RFPL3: variants seen among roughly 807,000 people sequenced by gnomAD.
The protein encoded by RFPL3 is ret finger protein like 3.
Under a neutral mutation model 8.7 loss-of-function variants are expected in RFPL3, and 8 were observed. That is an observed-to-expected ratio of 0.92 (90% CI 0.54 to 1.66). The LOEUF is 1.66. Ranked by LOEUF, RFPL3 falls within the 40% of genes most tolerant of loss-of-function variation. The probability of loss-of-function intolerance (pLI) is 0.00; values close to 1 mark genes in which losing one functional copy is unlikely to be tolerated. For synonymous variants in RFPL3, 145 were observed against 150.5 expected (o/e 0.96, Z 0.27); for missense variants, 341 against 395.0 (o/e 0.86, Z 1.16).
chr22:32,356,706 C>T (rs1221224703), upstream of RFPL3: 12 of 346,688 alleles, frequency 3.5e-5, no homozygotes. Context: ...CTGTCTTCTC[C>T]ACAGTGCTCT....
At chr22:32,356,137 A>G (rs989329544), upstream of RFPL3, among the ~76,000 whole-genome samples, 1 of 152,114 alleles carries the variant, frequency 6.6e-6, no homozygotes, top group African/African-American at 2.4e-5. Context: ...GGGCAGAGAG[A>G]AAAGAGGGCA....
chr22:32,360,037 A>C, intron 1 of RFPL3: 1 of 596,690 alleles, frequency 1.7e-6, no homozygotes, highest in South Asian at 2.8e-5. Context: ...AAAGTAAAAT[A>C]AGAATTGCTA....
At chr22:32,357,287 C>T (rs1932699088), upstream of RFPL3, among the ~76,000 whole-genome samples, 1 of 152,012 alleles carries the variant, frequency 6.6e-6, no homozygotes. Flanking sequence ...CAGGGTCTTA[C>T]TGTGTTGTCC....
upstream of RFPL3, among the ~76,000 whole-genome samples, chr22:32,357,495 C>T (rs1330881340): frequency 1.4e-5 from 2 of 145,368 alleles, no homozygotes; most frequent in Non-Finnish European, 3.0e-5. Flanking sequence ...GAGATGGTGT[C>T]TCACTCTGTT....
chr22:32,358,689 C>T (rs1932746035), intron 1 of RFPL3, among the ~76,000 whole-genome samples: 1 of 152,194 alleles, frequency 6.6e-6, no homozygotes, highest in South Asian at 2.1e-4. Context: ...TTAGTGTGCT[C>T]AGATTACCTG....
chr22:32,360,203 G>C (rs1461087735), intron 1 of RFPL3, 49 bp from the exon 2 acceptor site: 1 of 1,565,346 alleles, frequency 6.4e-7, no homozygotes, highest in Non-Finnish European at 8.7e-7. Flanking sequence ...AGAGAGGCAT[G>C]GGGTTGGCTT....
rs57606003 is a variant in RFPL3, at chr22:32,358,245, C to T, written c.174C>T (p.Thr58=). The change falls in exon 1 of 2, where the codon ACC becomes ACT. Residue 58 remains threonine (T), a synonymous_variant. Coordinates refer to ENST00000249007, the MANE Select transcript of RFPL3 (RefSeq NM_001098535.1). ...EKPMSLECGC[T]VCLKCINSLQ... ...CAATGTCCCTGGAGTGTGGATGCACCGTCTGCCTCAAGTGCATCAATTCGC... is the reference window on the plus strand; with the variant it reads ...CAATGTCCCTGGAGTGTGGATGCACTGTCTGCCTCAAGTGCATCAATTCGC... The T allele has an allele frequency of 0.071, 114,089 of 1,613,680 alleles. 8,309 individuals carry two copies. Among genetic ancestry groups the T allele is most frequent in the East Asian group, 0.47 (21,203 of 44,840 alleles).
At position 32,360,418 on chromosome 22, in the gene RFPL3, C is replaced by A; in HGVS notation, c.540C>A (p.His180Gln). The A allele has an allele frequency of 1.2e-6, 2 of 1,613,962 alleles. No homozygotes were observed. The highest frequency in any genetic ancestry group is 3.3e-5 in the Admixed American group (2 of 60,016). Residue 180 changes from histidine to glutamine, a missense_variant, in exon 2 of 2, where the codon CAC (histidine) becomes CAA (glutamine). His to Gln is a conservative substitution (Grantham distance 24). Coordinates refer to ENST00000249007, the MANE Select transcript of RFPL3 (RefSeq NM_001098535.1). The part of the protein sequence containing the change: ...LGSPRFTCGR[H>Q]YWEVDVGTST... ...CCCCTCGCTTTACCTGTGGCCGCCACTACTGGGAGGTGGACGTGGGAACAA... is the reference window on the plus strand; with the variant it reads ...CCCCTCGCTTTACCTGTGGCCGCCAATACTGGGAGGTGGACGTGGGAACAA...
rs148702469 is a variant in RFPL3, at chr22:32,360,054, A to G, written c.374-198A>G. 9.8e-5 allele frequency: 64 copies of G among 655,024 alleles called. No individual in the cohort carries two copies. In the Middle Eastern group the frequency reaches 1.7e-3, roughly 17 times the overall value. 40.6% of individuals were successfully genotyped at this position (655,024 alleles called of 1,614,324 possible). On this transcript the variant is annotated intron_variant, in intron 1 of 1. Coordinates refer to ENST00000249007, the MANE Select transcript of RFPL3 (RefSeq NM_001098535.1). ...AGTAAAATAAGAATTGCTACTGTGA[A>G]TAAGAGTCACGTATTGCCACAAAGC...
In RFPL3 at chr22:32,358,100, A is replaced by G; in HGVS notation, c.29A>G (p.Asn10Ser). 6.2e-7 allele frequency: 1 copy of G among 1,613,880 alleles called. No homozygotes were observed. Among genetic ancestry groups the G allele is most frequent in the South Asian group, 1.1e-5 (1 of 91,068 alleles). Reference sequence around the variant, plus strand: ...AAAAGGTTGTCACTTGTCACAACTAACAGGCTTTCACCTCAAGGAAATTTT... The same window carrying G: ...AAAAGGTTGTCACTTGTCACAACTAGCAGGCTTTCACCTCAAGGAAATTTT... MKRLSLVTTNRLSPQGNFLP... is the reference protein window; with the variant it reads MKRLSLVTTSRLSPQGNFLP... Residue 10 changes from asparagine to serine, a missense_variant, in exon 1 of 2, where the codon AAC becomes AGC. Asn to Ser is a conservative substitution (Grantham distance 46). Coordinates refer to ENST00000249007, the MANE Select transcript of RFPL3 (RefSeq NM_001098535.1).
chr22:32,360,755 C>T lies in RFPL3; in HGVS notation c.877C>T (p.Gln293Ter). The change falls in exon 2 of 2, where the codon CAA becomes TAA. Residue 293 changes from glutamine (Q) to a stop codon, truncating the protein, a stop_gained. Transcript: ENST00000249007. LOFTEE classifies it low-confidence loss of function (END_TRUNC). ...TCCTTCAATTCCACCTAATGGTGAT[C>T]AAGGTGTCTTGAGCATCTGTCCTTT... ...LAPSIPPNGDQGVLSICPLMN... is the reference protein window; with the variant it reads ...LAPSIPPNGD 6.2e-7 allele frequency: 1 copy of T among 1,613,078 alleles called. No individual in the cohort carries two copies. Among genetic ancestry groups the T allele is most frequent in the South Asian group, 1.1e-5 (1 of 90,886 alleles).
In RFPL3 at chr22:32,358,192, C is replaced by G; in HGVS notation, c.121C>G (p.Pro41Ala). ...ACTCTTCCAAGAAGCAAGCAGCTGT[C>G]CCGTCTGCTCAGACTATCTGGAAAA... ...AALFQEASSC[P>A]VCSDYLEKPM... Residue 41 changes from proline to alanine, a missense_variant, in exon 1 of 2, where the codon CCC (proline) becomes GCC (alanine). Transcript: ENST00000249007. The G allele has an allele frequency of 6.2e-7, 1 of 1,613,976 alleles. No homozygotes were observed. The highest frequency in any genetic ancestry group is 8.5e-7 in the Non-Finnish European group (1 of 1,179,860).
intron 1 of RFPL3, among the ~76,000 whole-genome samples, chr22:32,358,891 CCAAA>C (rs1469537857): frequency 6.6e-6 from 1 of 152,126 alleles, no homozygotes; most frequent in Admixed American, 6.5e-5. Context: ...ACCCATTGTA[CCAAA>C]CAACCTCACC....
chr22:32,356,733 C>T, upstream of RFPL3: 1 of 374,318 alleles, frequency 2.7e-6, no homozygotes, highest in Non-Finnish European at 5.3e-6. Flanking sequence ...TGTGACCTTA[C>T]AGCTGTAGCT....
rs1292586118 is a variant in RFPL3 at position 32,360,899 on chromosome 22, T to G, written c.*67T>G. ...GTGGGTAGACTTAGGAATTTTCTAC[T>G]TGGTAAAAGCATTATACAGTCATAG... is the stretch of plus-strand genomic sequence containing the variant. On this transcript the variant is annotated 3_prime_UTR_variant, in exon 2 of 2. Transcript: ENST00000249007. 1.2e-5 allele frequency: 18 copies of G among 1,448,100 alleles called. No homozygotes were observed. The highest frequency in any genetic ancestry group is 1.6e-5 in the Non-Finnish European group (17 of 1,078,320). The allele number at this position is 1,448,100 out of a possible 1,614,324, so 89.7% of individuals were successfully genotyped here. A position where few individuals can be genotyped will look rare whatever the true frequency, so the allele number is the denominator to read the frequency against.
At chr22:32,357,046 A>G, upstream of RFPL3, 1 of 394,854 alleles carries the variant, frequency 2.5e-6, no homozygotes, top group Non-Finnish European at 5.0e-6. Flanking sequence ...GAGCCCCCTG[A>G]CCTCAGTGTA....
In RFPL3 at chr22:32,360,900, T is replaced by G. The variant is rs543104633; in HGVS notation, c.*68T>G. On this transcript the variant is annotated 3_prime_UTR_variant, in exon 2 of 2. Transcript: ENST00000249007. ...TGGGTAGACTTAGGAATTTTCTACT[T>G]GGTAAAAGCATTATACAGTCATAGG... is the stretch of plus-strand genomic sequence containing the variant. 149 of 1,442,540 alleles carry G rather than the reference T, an allele frequency of 1.0e-4. No homozygotes were observed. The highest frequency in any genetic ancestry group is 1.8e-4 in the Middle Eastern group (1 of 5,438). 89.4% of individuals were successfully genotyped at this position (1,442,540 alleles called of 1,614,324 possible). A position where few individuals can be genotyped will look rare whatever the true frequency, so the allele number is the denominator to read the frequency against.
In RFPL3 at chr22:32,358,452, A is replaced by G; in HGVS notation, c.373+8A>G. On this transcript the variant is annotated splice_region_variant and intron_variant, in intron 1 of 1. Coordinates refer to ENST00000249007, the MANE Select transcript of RFPL3 (RefSeq NM_001098535.1). ...GGATGCGGAAGTTCCAAGGTAAGGA[A>G]TCTGTATACCCTGCCCCCTTCCCAA... The G allele has an allele frequency of 6.2e-7, 1 of 1,610,228 alleles. No individual in the cohort carries two copies. Among genetic ancestry groups the G allele is most frequent in the Non-Finnish European group, 8.5e-7 (1 of 1,178,158 alleles).
rs75679688 is a variant in RFPL3 at position 32,360,376 on chromosome 22, C to T, written c.498C>T (p.Ser166=). Residue 166 remains serine (S), a synonymous_variant, in exon 2 of 2, where the codon TCC becomes TCT. Coordinates refer to ENST00000249007, the MANE Select transcript of RFPL3 (RefSeq NM_001098535.1). ...ACCTTGCCGAGAGATTTGACGTGTC[C>T]GTTTGCATCCTGGGCTCCCCTCGCT... ...RQDLAERFDV[S]VCILGSPRFT... The T allele has an allele frequency of 1.1e-5, 17 of 1,613,928 alleles. No homozygotes were observed. The Admixed American group carries it at 1.3e-4, about 13-fold the overall frequency.
Sources: gnomAD v4.1 joint callset for allele counts (sites outside exome capture counted in the v4.1 genomes callset) on GRCh38, gnomAD v4.1.1 for gene constraint, MANE v1.5 for transcripts, NCBI Gene and HGNC (gene_info 2026-07-23, HGNC 2026-07-21) for gene names.